CRACD: variants seen among roughly 807,000 people sequenced by gnomAD.
The protein encoded by CRACD is capping protein inhibiting regulator of actin dynamics.
Under a neutral mutation model 106.8 loss-of-function variants are expected in CRACD, and 56 were observed. That is an observed-to-expected ratio of 0.52 (90% CI 0.42 to 0.66). CRACD has a LOEUF of 0.66. Among genes scored for constraint, CRACD ranks in the 30% least tolerant of loss-of-function variants. The probability of loss-of-function intolerance (pLI) is 0.00; values close to 1 mark genes in which losing one functional copy is unlikely to be tolerated. For synonymous variants in CRACD, 754 were observed against 670.8 expected, an observed-to-expected ratio of 1.12 and a Z score of -1.92; for missense variants, 1,730 against 1,623.2, an observed-to-expected ratio of 1.07 and a Z score of -1.13.
intron 1 of CRACD, among the ~76,000 whole-genome samples, chr4:56,113,028 A>G (rs1199418601): frequency 1.3e-5 from 2 of 152,202 alleles, no homozygotes; most frequent in African/African-American, 4.8e-5. Context: ...CTAACCGTCT[A>G]TCTGTTCAAA....
At position 56,314,667 on chromosome 4, in the gene CRACD, A is replaced by T; in HGVS notation, c.1165A>T (p.Thr389Ser). The stretch of plus-strand genomic sequence containing the variant: ...GGGGCCGCCCGAGGCGTTGGAGGAG[A>T]CTGGGGAGGGCCGGCGGGGCGCGGA... ...VQGPPEALEE[T>S]GEGRRGAEEE... Residue 389 changes from threonine (T) to serine (S), a missense_variant, in exon 8 of 11, where the codon ACT becomes TCT. By Grantham distance (58) the Thr-to-Ser change is moderately conservative. Transcript: ENST00000682029. The surrounding 1 kb of genome is among the most constrained non-coding windows in gnomAD (Gnocchi z 4.4). 2 of 1,547,192 alleles carry T rather than the reference A, an allele frequency of 1.3e-6. No homozygotes were observed. The highest frequency in any genetic ancestry group is 1.7e-6 in the Non-Finnish European group (2 of 1,145,750).
At chr4:56,149,773 C>T (rs1375313685) in intron 1 of CRACD, among the ~76,000 whole-genome samples, 2 of 152,178 alleles carry the variant, frequency 1.3e-5, no homozygotes, top group African/African-American at 4.8e-5. Context: ...GTTGCTATCT[C>T]AAGCCCATTG....
intron 1 of CRACD, among the ~76,000 whole-genome samples, chr4:56,121,329 T>A (rs756844853): frequency 2.0e-5 from 3 of 152,228 alleles, no homozygotes; most frequent in Non-Finnish European, 4.4e-5. Context: ...AATAAAAATG[T>A]CAAATGGTCA....
At chr4:56,100,707 G>T (rs1733750206) in intron 1 of CRACD, among the ~76,000 whole-genome samples, 2 of 151,742 alleles carry the variant, frequency 1.3e-5, no homozygotes, top group African/African-American at 2.4e-5. Context: ...AGCATACACA[G>T]AGAGGAGAAG....
chr4:56,053,905 A>G (rs1240586167), intron 1 of CRACD, among the ~76,000 whole-genome samples: 1 of 152,250 alleles, frequency 6.6e-6, no homozygotes, highest in African/African-American at 2.4e-5. Flanking sequence ...AAATATAGAT[A>G]TAATTGCATT....
At chr4:56,254,571 A>G (rs1319988582) in intron 2 of CRACD, among the ~76,000 whole-genome samples, 1 of 152,076 alleles carries the variant, frequency 6.6e-6, no homozygotes, top group Non-Finnish European at 1.5e-5. Flanking sequence ...ATAAGCAATC[A>G]AGCACTTTGC....
Position 56,316,152 on chromosome 4 carries a change from C to A in CRACD, c.2650C>A (p.Pro884Thr). 6.2e-7 allele frequency: 1 copy of A among 1,614,168 alleles called. No homozygotes were observed. Among genetic ancestry groups the A allele is most frequent in the East Asian group, 2.2e-5 (1 of 44,872 alleles). The change falls in exon 8 of 11, where the codon CCT becomes ACT. Residue 884 changes from proline (P) to threonine (T), a missense_variant. Physicochemically the swap from Pro to Thr is conservative, Grantham distance 38. Around this residue, in one of 5 missense-constraint regions of CRACD, gnomAD observed 1,620 missense variants for 1,481.6 expected, o/e 1.09. Transcript: ENST00000682029. ...STGDSADAGP[P>T]AAGSARGEKE... ...CGGAGACAGCGCGGATGCAGGGCCG[C>A]CTGCAGCGGGGAGCGCTCGTGGAGA...
chr4:56,252,426 C>G (rs116517365), intron 2 of CRACD, among the ~76,000 whole-genome samples: 2,681 of 152,288 alleles, frequency 0.018, 40 homozygotes, highest in Non-Finnish European at 0.03. Flanking sequence ...TTGTGAAAAG[C>G]AGCATACTCT....
chr4:56,112,251 G>A (rs191886234), intron 1 of CRACD, among the ~76,000 whole-genome samples: 37 of 152,288 alleles, frequency 2.4e-4, no homozygotes, highest in Middle Eastern at 3.4e-3. Flanking sequence ...TTATAGCAGG[G>A]AACCAAGTGA....
At chr4:56,134,103 A>T (rs995417462) in intron 1 of CRACD, among the ~76,000 whole-genome samples, 3 of 151,620 alleles carry the variant, frequency 2.0e-5, no homozygotes, top group African/African-American at 7.3e-5. Flanking sequence ...CGAGAGGCTG[A>T]GGTGGGAGGA....
intron 1 of CRACD, among the ~76,000 whole-genome samples, chr4:56,130,113 A>G (rs2109864131): frequency 6.6e-6 from 1 of 152,278 alleles, no homozygotes; most frequent in South Asian, 2.1e-4. Context: ...TCTACAAAAA[A>G]TACAAAAATT....
At chr4:56,317,120 G>C (rs1372928117) in intron 8 of CRACD, among the ~76,000 whole-genome samples, 1 of 152,220 alleles carries the variant, frequency 6.6e-6, no homozygotes, top group Non-Finnish European at 1.5e-5. Flanking sequence ...TACTAGGGAA[G>C]TTTAATTCTG....
intron 2 of CRACD, among the ~76,000 whole-genome samples, chr4:56,210,030 G>A (rs769096406): frequency 6.6e-6 from 1 of 152,188 alleles, no homozygotes; most frequent in Non-Finnish European, 1.5e-5. Context: ...GCAGGAAGAA[G>A]GGGTCATAAT....
intron 2 of CRACD, among the ~76,000 whole-genome samples, chr4:56,220,865 C>G (rs1039160964): frequency 6.6e-6 from 1 of 151,994 alleles, no homozygotes; most frequent in Non-Finnish European, 1.5e-5. Context: ...CAAGTGAGGG[C>G]AGGCTTCCAA....
At chr4:56,071,079 G>T (rs78658537) in intron 1 of CRACD, among the ~76,000 whole-genome samples, 5,530 of 152,174 alleles carry the variant, frequency 0.036, 123 homozygotes, top group Admixed American at 0.064. Flanking sequence ...TAAAAAGTTG[G>T]ATCCTCCTCA....
intron 1 of CRACD, among the ~76,000 whole-genome samples, chr4:56,062,781 G>A (rs1238316639): frequency 6.6e-6 from 1 of 152,168 alleles, no homozygotes; most frequent in Admixed American, 6.5e-5. Context: ...CCTTGAAGAC[G>A]GTTGCAAGGA....
chr4:56,314,198 G>A lies in CRACD; in HGVS notation c.696G>A (p.Glu232=), dbSNP rs1355502480. Residue 232 remains glutamate, a synonymous_variant, in exon 8 of 11, where the codon GAG becomes GAA. Coordinates refer to ENST00000682029, the MANE Select transcript of CRACD (RefSeq NM_001393381.1). The surrounding 1 kb of genome is among the most constrained non-coding windows in gnomAD (Gnocchi z 4.4). ...RRQEDYWREL[E]AKCKRQKAEA... is the part of the protein sequence containing the mutation. ...AAGAAGACTACTGGCGAGAACTGGA[G>A]GCCAAGTGCAAGCGGCAAAAGGCGG... is the stretch of plus-strand genomic sequence containing the variant. The A allele has an allele frequency of 6.2e-7, 1 of 1,612,062 alleles. No individual in the cohort carries two copies. Among genetic ancestry groups the A allele is most frequent in the Non-Finnish European group, 8.5e-7 (1 of 1,179,080 alleles).
chr4:56,227,690 G>A (rs1298905858), intron 2 of CRACD, among the ~76,000 whole-genome samples: 1 of 152,150 alleles, frequency 6.6e-6, no homozygotes, highest in East Asian at 1.9e-4. Flanking sequence ...AAACAAATGG[G>A]TATTCCAACA....
intron 3 of CRACD, among the ~76,000 whole-genome samples, chr4:56,279,617 T>C (rs1742898485): frequency 6.6e-6 from 1 of 152,104 alleles, no homozygotes; most frequent in African/African-American, 2.4e-5. Flanking sequence ...CCAGTTAGAA[T>C]GGCGATCATT....
Sources: allele counts gnomAD v4.1 joint callset (sites outside exome capture counted in the v4.1 genomes callset), GRCh38; gene constraint gnomAD v4.1.1; regional missense constraint gnomAD v4.1.1; non-coding constraint Gnocchi (gnomAD v3.1); transcripts MANE v1.5; gene names NCBI Gene and HGNC (gene_info 2026-07-23, HGNC 2026-07-21).